AASDH: variants seen among roughly 807,000 people sequenced by gnomAD.
The protein encoded by AASDH is beta-alanine-activating enzyme.
In AASDH, 81 loss-of-function variants were observed where a neutral mutation model predicts 102.3. The ratio of observed to expected loss-of-function variants is 0.79; its 90% CI spans 0.66 to 0.95. AASDH has a LOEUF of 0.95. AASDH is among the 40% of genes least tolerant of loss of function. The probability of loss-of-function intolerance (pLI) is 0.00; values close to 1 mark genes in which losing one functional copy is unlikely to be tolerated. For missense variants in AASDH, 1,203 were observed against 1,266.2 expected, an observed-to-expected ratio of 0.95 and a Z score of 0.76; for synonymous variants, 398 against 454.0, an observed-to-expected ratio of 0.88 and a Z score of 1.57.
intron 5 of AASDH, among the ~76,000 whole-genome samples, chr4:56,362,984 G>C (rs907191004): frequency 6.6e-6 from 1 of 152,206 alleles, no homozygotes; most frequent in Non-Finnish European, 1.5e-5. Context: ...TCAAAGAAAG[G>C]GGTGACAGAC....
chr4:56,387,414 C>G lies in AASDH; in HGVS notation c.-95G>C, dbSNP rs567642115. ...TCGCATTCGGCCCTTTCCCGGATAG[C>G]TCGTCGCGGATACTTCTCACAGCGA... On this transcript the variant is annotated 5_prime_UTR_variant, in exon 1 of 15. Coordinates refer to ENST00000205214, the MANE Select transcript of AASDH (RefSeq NM_181806.4). The G allele has an allele frequency of 1.3e-5, 2 of 152,384 alleles. No individual in the cohort carries two copies. The highest frequency in any genetic ancestry group is 3.9e-4 in the East Asian group (2 of 5,188). The allele number at this position is 152,384 out of a possible 1,614,324, so 9.4% of individuals were successfully genotyped here. A position where few individuals can be genotyped will look rare whatever the true frequency, so the allele number is the denominator to read the frequency against.
chr4:56,364,276 C>A (rs1018393652), intron 5 of AASDH, among the ~76,000 whole-genome samples: 2 of 152,002 alleles, frequency 1.3e-5, no homozygotes, highest in Non-Finnish European at 2.9e-5. Context: ...AGAATGGAAC[C>A]AAGTTGGAAA....
chr4:56,374,860 A>G (rs760213018), intron 4 of AASDH, among the ~76,000 whole-genome samples: 79 of 152,308 alleles, frequency 5.2e-4, no homozygotes, highest in Admixed American at 2.1e-3. Context: ...GAGGTTAAGT[A>G]CCTTATGCAA....
chr4:56,353,265 C>T (rs1038853943), intron 9 of AASDH, 139 bp downstream of exon 9: 3 of 645,182 alleles, frequency 4.6e-6, no homozygotes, highest in Non-Finnish European at 7.3e-6. Context: ...ATTAATTAGA[C>T]AAAGCAGTCA....
At position 56,353,274 on chromosome 4, in the gene AASDH, CA is replaced by C. The variant is rs1374487069; in HGVS notation, c.1576+129del. The C allele has an allele frequency of 1.3e-5, 9 of 717,020 alleles. No individual in the cohort carries two copies. The East Asian group carries it at 2.7e-4, about 21-fold the overall frequency. The allele number at this position is 717,020 out of a possible 1,614,324, so 44.4% of individuals were successfully genotyped here. A position where few individuals can be genotyped will look rare whatever the true frequency, so the allele number is the denominator to read the frequency against. On this transcript the variant is annotated intron_variant, in intron 9 of 14. Transcript: ENST00000205214. Reference sequence around the variant, plus strand: ...AAATGAATTAATTAGACAAAGCAGTCAAAAGAGGGTCTATCACAATAAATGC... The same window carrying C: ...AAATGAATTAATTAGACAAAGCAGTCAAAGAGGGTCTATCACAATAAATGC...
At chr4:56,378,558 T>G in intron 3 of AASDH, 94 bp from the exon 4 acceptor site, 5 of 1,087,834 alleles carry the variant, frequency 4.6e-6, no homozygotes, top group African/African-American at 1.6e-5. Context: ...CATCCCTCAG[T>G]ATCCTTGGGG....
intron 14 of AASDH, among the ~76,000 whole-genome samples, chr4:56,339,246 C>T (rs1036163193): frequency 6.6e-6 from 1 of 151,838 alleles, no homozygotes; most frequent in African/African-American, 2.4e-5. Flanking sequence ...CTCTGCTTGC[C>T]AGGTTGAAGC....
chr4:56,355,428 A>G lies in AASDH; in HGVS notation c.862-5T>C, dbSNP rs371650610. 84 of 1,604,134 alleles carry G rather than the reference A, an allele frequency of 5.2e-5. 1 individual carries two copies. The highest frequency in any genetic ancestry group is 2.9e-4 in the East Asian group (13 of 44,832). On this transcript the variant is annotated splice_region_variant and splice_polypyrimidine_tract_variant and intron_variant, in intron 5 of 14. Coordinates refer to ENST00000205214, the MANE Select transcript of AASDH (RefSeq NM_181806.4). Reference sequence around the variant, plus strand: ...TCTAAGCAATGTTGGTGTTGCCTGTAGATACATTAAAAATAATTTATTTAT... The same window carrying G: ...TCTAAGCAATGTTGGTGTTGCCTGTGGATACATTAAAAATAATTTATTTAT...
chr4:56,354,102 CAA>C lies in AASDH; in HGVS notation c.1318_1319del (p.Leu440GlyfsTer15). 1 of 1,506,984 alleles carries C rather than the reference CAA, an allele frequency of 6.6e-7. No homozygotes were observed. The highest frequency in any genetic ancestry group is 1.2e-5 in the South Asian group (1 of 80,720). The allele number at this position is 1,506,984 out of a possible 1,614,324, so 93.4% of individuals were successfully genotyped here. A position where few individuals can be genotyped will look rare whatever the true frequency, so the allele number is the denominator to read the frequency against. ...GTTTGATCTGACTGTCTTTTCGTCC[CAA>C]AAAAAAAATCTCTCCATCTTTCACA... The part of the protein sequence containing the change: ...VTVKDGEIFF[L>X]GRKDSQIKRH... On this transcript the variant is annotated frameshift_variant, in exon 8 of 15. Transcript: ENST00000205214. LOFTEE classifies it high-confidence loss of function.
chr4:56,384,975 G>A (rs557004714), intron 1 of AASDH, among the ~76,000 whole-genome samples: 2 of 152,332 alleles, frequency 1.3e-5, no homozygotes, highest in Admixed American at 6.5e-5. Context: ...TCTGGAGGGT[G>A]AGGCAGGCGA....
At chr4:56,353,128 G>A (rs1481646834) in intron 9 of AASDH, among the ~76,000 whole-genome samples, 2 of 151,846 alleles carry the variant, frequency 1.3e-5, no homozygotes, top group Non-Finnish European at 2.9e-5. Flanking sequence ...GCTTCCCTGA[G>A]TGGCTGAAAC....
At chr4:56,354,664 T>C in intron 7 of AASDH, 41 bp downstream of exon 7, 1 of 1,454,988 alleles carries the variant, frequency 6.9e-7, no homozygotes, top group Non-Finnish European at 9.5e-7. Context: ...CAGATCATTT[T>C]TCTTGAAAAA....
rs772012941 is a variant in AASDH at position 56,384,051 on chromosome 4, C to T, written c.230+19G>A. The T allele has an allele frequency of 1.3e-6, 2 of 1,586,814 alleles. No homozygotes were observed. Among genetic ancestry groups the T allele is most frequent in the Non-Finnish European group, 1.7e-6 (2 of 1,156,052 alleles). On this transcript the variant is annotated intron_variant, in intron 2 of 14. Coordinates refer to ENST00000205214, the MANE Select transcript of AASDH (RefSeq NM_181806.4). ...TTAGCTTGGAGTAACATCAAATTTA[C>T]AGTTCTAAAAAATATTACCCTAAAA...
At position 56,354,207 on chromosome 4, in the gene AASDH, G is replaced by C; in HGVS notation, c.1215C>G (p.Gly405=). Residue 405 remains glycine, a synonymous_variant, in exon 8 of 15, where the codon GGC becomes GGG. Transcript: ENST00000205214. ...QEGSGQVFLG[G]RNRVCFLDDE... is the part of the protein sequence containing the mutation. Reference sequence around the variant, plus strand: ...CATCAAGAAAACACACTCTGTTTCTGCCACCTTCCCAAGATATAAACACCA... The same window carrying C: ...CATCAAGAAAACACACTCTGTTTCTCCCACCTTCCCAAGATATAAACACCA... 6.4e-7 allele frequency: 1 copy of C among 1,561,028 alleles called. No homozygotes were observed. The highest frequency in any genetic ancestry group is 8.7e-7 in the Non-Finnish European group (1 of 1,152,116).
At chr4:56,344,943 T>TC (rs200797959) in intron 12 of AASDH, among the ~76,000 whole-genome samples, 184 bp downstream of exon 12, 44 of 137,146 alleles carry the variant, frequency 3.2e-4, no homozygotes, top group Admixed American at 1.0e-3. Context: ...TTTCTTTCTT[T>TC]TTTTTTTTTT....
In AASDH at chr4:56,384,165, T is replaced by C; in HGVS notation, c.135A>G (p.Leu45=). The change falls in exon 2 of 15, where the codon TTA becomes TTG. Residue 45 remains leucine, a synonymous_variant. Transcript: ENST00000205214. The stretch of plus-strand genomic sequence containing the variant: ...CACAGTGTAACAGCAGAAAATTTGA[T>C]AATTCAGAAGCAGCATTAACCACAG... The part of the protein sequence containing the change: ...YKTVVNAASE[L]SNFLLLHCDF... The C allele has an allele frequency of 6.2e-7, 1 of 1,614,182 alleles. No individual in the cohort carries two copies. The highest frequency in any genetic ancestry group is 8.5e-7 in the Non-Finnish European group (1 of 1,180,034).
intron 12 of AASDH, among the ~76,000 whole-genome samples, 187 bp downstream of exon 12, chr4:56,344,940 C>CTTTT (rs11357105): frequency 1.4e-4 from 17 of 124,144 alleles, no homozygotes; most frequent in Non-Finnish European, 1.7e-4. Flanking sequence ...AATTTTCTTT[C>CTTTT]TTTTTTTTTT....
At position 56,378,149 on chromosome 4, in the gene AASDH, G is replaced by A. The variant is rs1217671487; in HGVS notation, c.667C>T (p.Arg223Trp). The change falls in exon 4 of 15, where the codon CGG (arginine) becomes TGG (tryptophan). Residue 223 changes from arginine to tryptophan, a missense_variant and splice_region_variant. Physicochemically the swap from Arg to Trp is moderately radical, Grantham distance 101. Coordinates refer to ENST00000205214, the MANE Select transcript of AASDH (RefSeq NM_181806.4). ...KCIVPNIQHF[R>W]VLFDITQEDV... Reference sequence around the variant, plus strand: ...AAAGAGTCAAAGACTAGAACTTACCGAAAATGCTGGATATTTGGTACTATA... The same window carrying A: ...AAAGAGTCAAAGACTAGAACTTACCAAAAATGCTGGATATTTGGTACTATA... The A allele has an allele frequency of 6.3e-6, 10 of 1,593,952 alleles. No homozygotes were observed. The highest frequency in any genetic ancestry group is 3.4e-5 in the South Asian group (3 of 87,458).
In AASDH at chr4:56,378,416, C is replaced by T; in HGVS notation, c.400G>A (p.Val134Met). The T allele has an allele frequency of 6.2e-7, 1 of 1,612,254 alleles. No homozygotes were observed. The highest frequency in any genetic ancestry group is 8.5e-7 in the Non-Finnish European group (1 of 1,179,534). ...ETLLNYDTFT[V>M]EHNDLVLFRL... Reference sequence around the variant, plus strand: ...AAGAGCACTAGGTCATTATGTTCCACTGTAAATGTATCATAGTTCAATAAT... The same window carrying T: ...AAGAGCACTAGGTCATTATGTTCCATTGTAAATGTATCATAGTTCAATAAT... The change falls in exon 4 of 15, where the codon GTG (valine) becomes ATG (methionine). Residue 134 changes from valine to methionine, a missense_variant. Physicochemically the swap from Val to Met is conservative, Grantham distance 21. Transcript: ENST00000205214.
Sources: allele counts gnomAD v4.1 joint callset (sites outside exome capture counted in the v4.1 genomes callset), GRCh38; gene constraint gnomAD v4.1.1; transcripts MANE v1.5; gene names NCBI Gene and HGNC (gene_info 2026-07-23, HGNC 2026-07-21).